The following ITIH5 variants were observed in gnomAD, a reference collection of about 807,000 sequenced individuals.
ITIH5 encodes inter-alpha-trypsin inhibitor heavy chain 5, also known as inter-alpha-trypsin inhibitor heavy chain H5.
Under a neutral mutation model 77.5 loss-of-function variants are expected in ITIH5, and 65 were observed. The observed-to-expected ratio is 0.84, with a 90% CI of 0.69 to 1.03. The LOEUF (loss-of-function observed/expected upper bound fraction) is 1.03, where lower values mean the gene tolerates loss of function less well. ITIH5 is among the 50% of genes least tolerant of loss of function. ITIH5 has a pLI of 0.00. For missense variants in ITIH5, 1,208 were observed against 1,213.1 expected (o/e 1.00, Z 0.06); for synonymous variants, 525 against 494.3 (o/e 1.06, Z -0.82).
In ITIH5 at chr10:7,624,812, T is replaced by TATATAC. The variant is rs1259915493; in HGVS notation, c.653-7531_653-7530insGTATAT. Among the ~76,000 whole-genome samples, 106 of 110,648 alleles carry TATATAC rather than the reference T, an allele frequency of 9.6e-4. 6 individuals carry two copies. The East Asian group carries it at 0.012, about 13-fold the overall frequency. The allele number at this position is 110,648 out of a possible 152,430, so 72.6% of individuals were successfully genotyped here. A position where few individuals can be genotyped will look rare whatever the true frequency, so the allele number is the denominator to read the frequency against. On this transcript the variant is annotated intron_variant, in intron 5 of 13. Transcript: ENST00000397146. ...AAAAAAAAAAAAATATATATATATA[T>TATATAC]ACACATATATATGTGTATATACATG...
At chr10:7,631,837 A>G (rs1417061592) in intron 5 of ITIH5, among the ~76,000 whole-genome samples, 1 of 141,470 alleles carries the variant, frequency 7.1e-6, no homozygotes, top group Non-Finnish European at 1.5e-5. Flanking sequence ...CCCAGGCTGG[A>G]GTGCAATGGC....
intron 7 of ITIH5, among the ~76,000 whole-genome samples, chr10:7,596,351 A>T (rs1321003314): frequency 6.6e-6 from 1 of 152,190 alleles, no homozygotes; most frequent in Non-Finnish European, 1.5e-5. Flanking sequence ...ATCGCGTCTA[A>T]TAAGACCCTC....
At chr10:7,602,768 C>T (rs1833040579) in intron 7 of ITIH5, among the ~76,000 whole-genome samples, 1 of 152,156 alleles carries the variant, frequency 6.6e-6, no homozygotes, top group Non-Finnish European at 1.5e-5. Flanking sequence ...CCTACTTCCA[C>T]TCATGGTTCC....
intron 5 of ITIH5, chr10:7,620,915 C>G (rs1833465021): frequency 6.6e-6 from 1 of 152,202 alleles, no homozygotes; most frequent in Non-Finnish European, 1.5e-5. Flanking sequence ...AATAATCCCC[C>G]CCACGAGGGT....
Position 7,576,644 on chromosome 10 carries a change from G to C in ITIH5, c.1787C>G (p.Pro596Arg). The C allele has an allele frequency of 6.2e-7, 1 of 1,614,152 alleles. No homozygotes were observed. Among genetic ancestry groups the C allele is most frequent in the South Asian group, 1.1e-5 (1 of 91,078 alleles). Residue 596 changes from proline to arginine, a missense_variant, in exon 10 of 14, where the codon CCG (proline) becomes CGG (arginine). Physicochemically the swap from Pro to Arg is moderately radical, Grantham distance 103 (BLOSUM62 -2). Transcript: ENST00000397146. ...CCGCTGCCGCAGCCGCTCCTTCTCC[G>C]GTTCATCGTCACTTTGCAGCCAGGA... ...LSSWLQSDDE[P>R]EKERLRQRAQ...
chr10:7,655,703 G>C, intron 1 of ITIH5, 28 bp from the exon 2 acceptor site: 1 of 1,577,202 alleles, frequency 6.3e-7, no homozygotes, highest in Non-Finnish European at 8.7e-7. Flanking sequence ...CTGTTAAAAA[G>C]GTGATTTTTA....
chr10:7,600,290 C>A (rs556584917), intron 7 of ITIH5, among the ~76,000 whole-genome samples: 63 of 152,268 alleles, frequency 4.1e-4, no homozygotes, highest in African/African-American at 1.5e-3. Context: ...AGAATAATTC[C>A]AATGCTATGC....
intron 9 of ITIH5, 100 bp from the exon 10 acceptor site, chr10:7,577,112 T>C (rs1832442521): frequency 1.9e-6 from 2 of 1,032,694 alleles, no homozygotes; most frequent in South Asian, 1.7e-5. Context: ...GGGATGCATC[T>C]GATTTTAGAA....
chr10:7,603,660 T>G (rs1012718327), intron 7 of ITIH5, among the ~76,000 whole-genome samples: 1 of 152,174 alleles, frequency 6.6e-6, no homozygotes, highest in African/African-American at 2.4e-5. Context: ...CTTGGCTCAC[T>G]GCAAGCTCCG....
chr10:7,610,608 C>A (rs1234604156), intron 7 of ITIH5, among the ~76,000 whole-genome samples: 1 of 152,176 alleles, frequency 6.6e-6, no homozygotes, highest in East Asian at 1.9e-4. Context: ...CCTGTTGACA[C>A]AATATGAAAA....
Position 7,576,582 on chromosome 10 carries a change from G to C in ITIH5, c.1849C>G (p.Pro617Ala), listed in dbSNP as rs1381314929. 3 of 1,613,922 alleles carry C rather than the reference G, an allele frequency of 1.9e-6. No homozygotes were observed. Among genetic ancestry groups the C allele is most frequent in the Non-Finnish European group, 2.5e-6 (3 of 1,180,058 alleles). ...CCCCTCAGCTTCATGGAGGTGAAGG[G>C]AGTGAGGAAGCGGTAGCTCACAGCC... is the stretch of plus-strand genomic sequence containing the variant. ...ALAVSYRFLT[P>A]FTSMKLRGPV... The change falls in exon 10 of 14, where the codon CCC becomes GCC. Residue 617 changes from proline (P) to alanine (A), a missense_variant. Coordinates refer to ENST00000397146, the MANE Select transcript of ITIH5 (RefSeq NM_030569.7).
chr10:7,642,659 A>G (rs1479631219), intron 2 of ITIH5, among the ~76,000 whole-genome samples: 1 of 152,182 alleles, frequency 6.6e-6, no homozygotes, highest in Non-Finnish European at 1.5e-5. Context: ...TAGAACCCAG[A>G]AAAAGGAACA....
At chr10:7,646,160 C>G (rs1456419551) in intron 2 of ITIH5, among the ~76,000 whole-genome samples, 1 of 152,210 alleles carries the variant, frequency 6.6e-6, no homozygotes, top group Non-Finnish European at 1.5e-5. Flanking sequence ...GCACCCAGCT[C>G]TGATTTCTAC....
intron 3 of ITIH5, 126 bp downstream of exon 3, chr10:7,641,801 T>A: frequency 1.6e-6 from 1 of 639,538 alleles, no homozygotes. Context: ...AGAATTGACC[T>A]TCTGATCTAT....
At position 7,569,750 on chromosome 10, in the gene ITIH5, G is replaced by A; in HGVS notation, c.2067C>T (p.Pro689=). ...TGAAGCACACGGTGAGTCTGCTCAG[G>A]GGGAAATCCACAACAAAGTGGGGAT... ...DGDPHFVVDF[P]LSRLTVCFNI... is the part of the protein sequence containing the mutation. Residue 689 remains proline (P), a synonymous_variant, in exon 12 of 14, where the codon CCC becomes CCT. Coordinates refer to ENST00000397146, the MANE Select transcript of ITIH5 (RefSeq NM_030569.7). 6.2e-7 allele frequency: 1 copy of A among 1,611,808 alleles called. No individual in the cohort carries two copies. Among genetic ancestry groups the A allele is most frequent in the South Asian group, 1.1e-5 (1 of 90,578 alleles).
chr10:7,626,612 T>C (rs74119843), intron 5 of ITIH5, among the ~76,000 whole-genome samples: 6 of 152,276 alleles, frequency 3.9e-5, no homozygotes, highest in African/African-American at 1.4e-4. Flanking sequence ...CCAGTCACAG[T>C]GCAGCCCTTT....
At chr10:7,648,580 G>T (rs1323150897) in intron 2 of ITIH5, among the ~76,000 whole-genome samples, 1 of 152,214 alleles carries the variant, frequency 6.6e-6, no homozygotes, top group African/African-American at 2.4e-5. Context: ...ATAAGCAGAA[G>T]TTTACAGCTG....
At chr10:7,638,534 A>G (rs1341189399) in intron 4 of ITIH5, among the ~76,000 whole-genome samples, 2 of 152,368 alleles carry the variant, frequency 1.3e-5, no homozygotes, top group Middle Eastern at 3.4e-3. Flanking sequence ...AAAGTTCAAA[A>G]GGAAAAGTAT....
At chr10:7,566,708 T>G (rs1832167335) in intron 12 of ITIH5, among the ~76,000 whole-genome samples, 2 of 99,144 alleles carry the variant, frequency 2.0e-5, no homozygotes, top group Non-Finnish European at 3.7e-5. Flanking sequence ...GGCTACAGAG[T>G]GAGATCCTAT....
Sources: allele counts gnomAD v4.1 joint callset (sites outside exome capture counted in the v4.1 genomes callset), GRCh38; gene constraint gnomAD v4.1.1; transcripts MANE v1.5; gene names NCBI Gene and HGNC (gene_info 2026-07-23, HGNC 2026-07-21).